The following MYO1B variants were observed in gnomAD, a reference collection of about 807,000 sequenced individuals.
MYO1B encodes unconventional myosin-Ib.
Under a neutral mutation model 159.7 loss-of-function variants are expected in MYO1B, and 72 were observed. That is an observed-to-expected ratio of 0.45 (90% CI 0.37 to 0.55). The LOEUF is 0.55. MYO1B is among the 20% of genes least tolerant of loss of function. MYO1B has a pLI of 0.00. For missense variants in MYO1B, 1,062 were observed against 1,364.8 expected (o/e 0.78, Z 3.50); for synonymous variants, 468 against 473.8 (o/e 0.99, Z 0.16).
At position 191,329,935 on chromosome 2, in the gene MYO1B, C is replaced by T. The variant is rs1691355088; in HGVS notation, c.252C>T (p.Ile84=). 13 of 1,609,448 alleles carry T rather than the reference C, an allele frequency of 8.1e-6. No individual in the cohort carries two copies. The highest frequency in any genetic ancestry group is 2.2e-5 in the East Asian group (1 of 44,674). The change falls in exon 4 of 31, where the codon ATC becomes ATT. Residue 84 remains isoleucine (I), a splice_region_variant and synonymous_variant. Coordinates refer to ENST00000392318, the MANE Select transcript of MYO1B (RefSeq NM_001130158.3). ...NRNFYELSPH[I]FALSDEAYRS... Reference sequence around the variant, plus strand: ...AATTTTTTTCCATTATCCCCTGCAGCTTTGCCCTTTCGGATGAAGCATACA... The same window carrying T: ...AATTTTTTTCCATTATCCCCTGCAGTTTTGCCCTTTCGGATGAAGCATACA...
chr2:191,368,053 T>G (rs749285345), intron 11 of MYO1B, among the ~76,000 whole-genome samples: 1 of 152,220 alleles, frequency 6.6e-6, no homozygotes, highest in African/African-American at 2.4e-5. Flanking sequence ...AGGTATATTC[T>G]CTAACCCTAA....
At chr2:191,282,295 C>T (rs1357683577) in intron 2 of MYO1B, among the ~76,000 whole-genome samples, 1 of 152,126 alleles carries the variant, frequency 6.6e-6, no homozygotes, top group African/African-American at 2.4e-5. Context: ...TAGCTGAGTC[C>T]TCTATTCAGG....
chr2:191,296,774 G>A (rs1689008723), intron 3 of MYO1B, among the ~76,000 whole-genome samples: 2 of 152,218 alleles, frequency 1.3e-5, no homozygotes, highest in Admixed American at 6.5e-5. Context: ...TTCCTTCACA[G>A]TACCTGTAGA....
At chr2:191,259,106 A>G in intron 1 of MYO1B, among the ~76,000 whole-genome samples, 1 of 152,228 alleles carries the variant, frequency 6.6e-6, no homozygotes, top group East Asian at 1.9e-4. Context: ...CAGCTTGTGC[A>G]TGGTGAACTT....
chr2:191,383,473 T>TATATATATACACACAC (rs1170563038), intron 15 of MYO1B, 131 bp downstream of exon 15: 3 of 119,862 alleles, frequency 2.5e-5, no homozygotes, highest in African/African-American at 1.2e-4. Flanking sequence ...TATATATATA[T>TATATATATACACACAC]ACACACACAC....
intron 13 of MYO1B, among the ~76,000 whole-genome samples, chr2:191,377,362 T>C (rs985506546): frequency 6.6e-6 from 1 of 152,108 alleles, no homozygotes; most frequent in African/African-American, 2.4e-5. Flanking sequence ...TAGAGAAAAA[T>C]TGCATACTTG....
Position 191,391,339 on chromosome 2 carries a change from G to A in MYO1B, c.1983-769G>A, listed in dbSNP as rs766738466. Among the ~76,000 whole-genome samples, 10 of 152,164 alleles carry A rather than the reference G, an allele frequency of 6.6e-5. 1 individual carries two copies. Among genetic ancestry groups the A allele is most frequent in the Non-Finnish European group, 1.0e-4 (7 of 68,030 alleles). ...TCTCACTGCACCTGGCCTTTCACAG[G>A]AACATCAACACACCTAGGACACTTA... On this transcript the variant is annotated intron_variant, in intron 18 of 30. Coordinates refer to ENST00000392318, the MANE Select transcript of MYO1B (RefSeq NM_001130158.3).
In MYO1B at chr2:191,402,672, G is replaced by A. The variant is rs746684803; in HGVS notation, c.2510G>A (p.Arg837His). ...ELKRLKEEARRKHAVAVIWAY... is the reference protein window; with the variant it reads ...ELKRLKEEARHKHAVAVIWAY... ...AAACGCTTGAAGGAGGAGGCTAGGC[G>A]TAAGCATGCAGTTGCTGTCATTTGG... Residue 837 changes from arginine (R) to histidine (H), a missense_variant, in exon 24 of 31, where the codon CGT becomes CAT. Around this residue, in one of 5 missense-constraint regions of MYO1B, gnomAD observed 609 missense variants for 744.4 expected, o/e 0.82. Transcript: ENST00000392318. 40 of 1,613,530 alleles carry A rather than the reference G, an allele frequency of 2.5e-5. No homozygotes were observed. Among genetic ancestry groups the A allele is most frequent in the Non-Finnish European group, 3.2e-5 (38 of 1,179,740 alleles).
At chr2:191,413,937 A>G (rs1465778655) in intron 27 of MYO1B, 111 bp from the exon 28 acceptor site, 2 of 1,108,232 alleles carry the variant, frequency 1.8e-6, no homozygotes, top group African/African-American at 1.6e-5. Flanking sequence ...AATTGAAATC[A>G]ATTTTTATGA....
intron 1 of MYO1B, among the ~76,000 whole-genome samples, chr2:191,247,717 C>T (rs1352224485): frequency 6.6e-6 from 1 of 152,212 alleles, no homozygotes; most frequent in Non-Finnish European, 1.5e-5. Context: ...GAATTCCTCT[C>T]AAGTACTCAT....
intron 7 of MYO1B, among the ~76,000 whole-genome samples, chr2:191,353,126 C>G (rs1469317791): frequency 6.6e-6 from 1 of 152,150 alleles, no homozygotes; most frequent in African/African-American, 2.4e-5. Flanking sequence ...CTACATATCC[C>G]TGAGGTTAGT....
intron 1 of MYO1B, among the ~76,000 whole-genome samples, chr2:191,250,557 T>TC (rs1686048075): frequency 6.6e-6 from 1 of 152,180 alleles, no homozygotes; most frequent in Non-Finnish European, 1.5e-5. Context: ...AAAAGGCTCT[T>TC]GTGGACAAGA....
intron 22 of MYO1B, 120 bp downstream of exon 22, chr2:191,400,588 T>A: frequency 7.4e-7 from 1 of 1,359,480 alleles, no homozygotes; most frequent in East Asian, 2.3e-5. Context: ...ACGTGTTTGC[T>A]TCTTGCTCTT....
At chr2:191,342,853 A>G (rs1208755450) in intron 5 of MYO1B, among the ~76,000 whole-genome samples, 1 of 152,092 alleles carries the variant, frequency 6.6e-6, no homozygotes, top group Non-Finnish European at 1.5e-5. Flanking sequence ...TCTCAAACAA[A>G]CAAAGAAAAA....
rs187726464 is a variant in MYO1B at position 191,275,182 on chromosome 2, G to T, written c.-9-1705G>T. Among the ~76,000 whole-genome samples the T allele has an allele frequency of 4.5e-4, 69 of 152,280 alleles. No homozygotes were observed. In the East Asian group the frequency reaches 0.013, roughly 29 times the overall value. ...GCCTCCCAAAGTGCTGGGATTACAG[G>T]CATGAGCCACCGCACCTGGCCTATC... On this transcript the variant is annotated intron_variant, in intron 1 of 30. Coordinates refer to ENST00000392318, the MANE Select transcript of MYO1B (RefSeq NM_001130158.3).
chr2:191,273,039 G>A (rs1687549028), intron 1 of MYO1B, among the ~76,000 whole-genome samples: 1 of 152,236 alleles, frequency 6.6e-6, no homozygotes, highest in African/African-American at 2.4e-5. Context: ...AGAGATGGGA[G>A]CAAGCTTCAA....
At chr2:191,409,375 G>A (rs914681697) in intron 26 of MYO1B, among the ~76,000 whole-genome samples, 197 bp downstream of exon 26, 6 of 152,288 alleles carry the variant, frequency 3.9e-5, no homozygotes, top group East Asian at 1.9e-4. Flanking sequence ...TTCCCTGTGC[G>A]GTCGCCTCTC....
chr2:191,422,499 T>C (rs1697999970), intron 30 of MYO1B, among the ~76,000 whole-genome samples: 1 of 152,190 alleles, frequency 6.6e-6, no homozygotes, highest in South Asian at 2.1e-4. Context: ...CACTAATGGA[T>C]TTTTTAATCC....
chr2:191,354,531 A>G (rs1693145664), intron 7 of MYO1B, among the ~76,000 whole-genome samples: 1 of 152,096 alleles, frequency 6.6e-6, no homozygotes, highest in African/African-American at 2.4e-5. Flanking sequence ...GTTCAGCTTG[A>G]AAAAAAGAAA....
Sources: allele counts gnomAD v4.1 joint callset (sites outside exome capture counted in the v4.1 genomes callset), GRCh38; gene constraint gnomAD v4.1.1; regional missense constraint gnomAD v4.1.1; transcripts MANE v1.5; gene names NCBI Gene and HGNC (gene_info 2026-07-23, HGNC 2026-07-21).